RBFOX1: variants seen among roughly 807,000 people sequenced by gnomAD.
RBFOX1 encodes RNA binding fox-1 homolog 1.
A neutral mutation model predicts 57.7 loss-of-function variants in RBFOX1; 8 were observed. The observed-to-expected ratio is 0.14, with a 90% CI of 0.08 to 0.25. The LOEUF (loss-of-function observed/expected upper bound fraction) is 0.25. Among genes scored for constraint, RBFOX1 ranks in the 10% least tolerant of loss-of-function variants. The pLI, the probability that RBFOX1 is intolerant of heterozygous loss-of-function variation, is 1.00. For missense variants in RBFOX1, 611 were observed against 548.5 expected (o/e 1.11, Z -1.14); for synonymous variants, 326 against 222.4 (o/e 1.47, Z -4.15).
chr16:6,477,311 A>G (rs1467023114), intron 2 of RBFOX1, among the ~76,000 whole-genome samples: 3 of 152,322 alleles, frequency 2.0e-5, no homozygotes, highest in Admixed American at 1.3e-4. Context: ...CTTATGAGAT[A>G]TATTTCCTAA....
At chr16:7,164,830 C>T (rs990476268) in intron 4 of RBFOX1, among the ~76,000 whole-genome samples, 19 of 152,194 alleles carry the variant, frequency 1.2e-4, no homozygotes, top group Admixed American at 8.5e-4. Context: ...TGCTGTTGTA[C>T]TTCTTTGTAG....
chr16:7,218,998 G>T (rs2092503247), intron 4 of RBFOX1, among the ~76,000 whole-genome samples: 1 of 152,114 alleles, frequency 6.6e-6, no homozygotes, highest in Admixed American at 6.6e-5. Flanking sequence ...TTACATGCTG[G>T]TGGTCACAAG....
At chr16:6,780,254 T>TATATATATATTTATAC (rs1294758506) in intron 3 of RBFOX1, among the ~76,000 whole-genome samples, 10 of 86,080 alleles carry the variant, frequency 1.2e-4, no homozygotes, top group African/African-American at 2.6e-4. Context: ...CATATATATT[T>TATATATATATTTATAC]ATATATATAT....
At chr16:5,493,722 G>T (rs2042910721) in intron 2 of RBFOX1, among the ~76,000 whole-genome samples, 2 of 152,198 alleles carry the variant, frequency 1.3e-5, no homozygotes, top group African/African-American at 2.4e-5. Flanking sequence ...ATGCTTGCTT[G>T]CTCTGCTCAT....
chr16:5,515,269 G>C (rs1168273050), intron 2 of RBFOX1, among the ~76,000 whole-genome samples: 1 of 152,268 alleles, frequency 6.6e-6, no homozygotes, highest in African/African-American at 2.4e-5. Context: ...GGTCTGGGTA[G>C]AGTGGTTTTT....
intron 1 of RBFOX1, among the ~76,000 whole-genome samples, chr16:6,085,531 G>A (rs1047357819): frequency 5.3e-5 from 8 of 152,234 alleles, no homozygotes; most frequent in African/African-American, 1.7e-4. Context: ...TCGGCCTCCC[G>A]GTGTTGGGAT....
chr16:6,489,981 G>C lies in RBFOX1; in HGVS notation c.-63-164622G>C, dbSNP rs551568639. Among the ~76,000 whole-genome samples, 9 of 152,304 alleles carry C rather than the reference G, an allele frequency of 5.9e-5. No individual in the cohort carries two copies. In the East Asian group the frequency reaches 1.7e-3, roughly 29 times the overall value. The stretch of plus-strand genomic sequence containing the variant: ...GTGTCTTCAAGAAACTTAAGTCTTT[G>C]CTTTCTGATGCTCTTAAAATGTTCT... On this transcript the variant is annotated intron_variant, in intron 2 of 15. Transcript: ENST00000550418.
intron 1 of RBFOX1, among the ~76,000 whole-genome samples, chr16:5,400,354 A>C (rs1476083645): frequency 6.6e-6 from 1 of 152,084 alleles, no homozygotes; most frequent in Non-Finnish European, 1.5e-5. Context: ...TGGCCTCCCA[A>C]AGTGCTGGGG....
chr16:6,035,510 T>A (rs2095354257), intron 1 of RBFOX1, among the ~76,000 whole-genome samples: 1 of 150,018 alleles, frequency 6.7e-6, no homozygotes, highest in Non-Finnish European at 1.5e-5. Context: ...CCTGGTAAAG[T>A]AGACTTATAA....
chr16:5,499,394 C>T (rs548489114), intron 2 of RBFOX1, among the ~76,000 whole-genome samples: 2 of 152,250 alleles, frequency 1.3e-5, no homozygotes, highest in African/African-American at 2.4e-5. Context: ...CCCTTCTGCT[C>T]ACCAATCCTG....
At chr16:6,541,898 C>T (rs1376585950) in intron 2 of RBFOX1, among the ~76,000 whole-genome samples, 2 of 152,010 alleles carry the variant, frequency 1.3e-5, no homozygotes, top group Admixed American at 1.3e-4. Context: ...AGGCTCTGTG[C>T]AGCAGGTAGT....
At chr16:6,593,108 C>T (rs2097735681) in intron 2 of RBFOX1, among the ~76,000 whole-genome samples, 2 of 152,198 alleles carry the variant, frequency 1.3e-5, no homozygotes, top group African/African-American at 4.8e-5. Context: ...AGGAGAATCA[C>T]TTGAGCCTGG....
At chr16:6,746,464 C>T (rs888914361) in intron 3 of RBFOX1, among the ~76,000 whole-genome samples, 3 of 151,994 alleles carry the variant, frequency 2.0e-5, no homozygotes, top group South Asian at 4.1e-4. Flanking sequence ...ATCACTTGAG[C>T]CCAGGTGTTC....
At chr16:6,952,560 C>G (rs1404896281) in intron 3 of RBFOX1, among the ~76,000 whole-genome samples, 1 of 151,976 alleles carries the variant, frequency 6.6e-6, no homozygotes, top group Admixed American at 6.6e-5. Context: ...ATCACTTAGG[C>G]CTGGGAGATC....
intron 3 of RBFOX1, among the ~76,000 whole-genome samples, chr16:5,754,037 A>G (rs1400983075): frequency 6.6e-6 from 1 of 152,178 alleles, no homozygotes; most frequent in Non-Finnish European, 1.5e-5. Flanking sequence ...GTCAATGTGT[A>G]TGTTAGTATG....
At chr16:5,866,046 CA>C (rs1290017098) in intron 3 of RBFOX1, among the ~76,000 whole-genome samples, 1 of 152,154 alleles carries the variant, frequency 6.6e-6, no homozygotes, top group Non-Finnish European at 1.5e-5. Context: ...CAGTTCAATG[CA>C]ACCTCTGCCT....
intron 4 of RBFOX1, among the ~76,000 whole-genome samples, chr16:7,324,178 C>T (rs1329258404): frequency 6.6e-6 from 1 of 152,166 alleles, no homozygotes; most frequent in African/African-American, 2.4e-5. Flanking sequence ...ATCTGATGAG[C>T]CTTCTATCCA....
intron 3 of RBFOX1, among the ~76,000 whole-genome samples, chr16:5,815,515 AG>A (rs1392606568): frequency 6.6e-6 from 1 of 152,118 alleles, no homozygotes; most frequent in Non-Finnish European, 1.5e-5. Context: ...GACCAAGAAA[AG>A]GTCCAAATTC....
intron 2 of RBFOX1, among the ~76,000 whole-genome samples, chr16:6,329,729 C>A (rs1222738489): frequency 6.6e-6 from 1 of 152,122 alleles, no homozygotes; most frequent in Non-Finnish European, 1.5e-5. Flanking sequence ...GTCAGGAGTT[C>A]AAAACCAGCC....
Sources: allele counts gnomAD v4.1 joint callset (sites outside exome capture counted in the v4.1 genomes callset), GRCh38; gene constraint gnomAD v4.1.1; transcripts MANE v1.5; gene names NCBI Gene and HGNC (gene_info 2026-07-23, HGNC 2026-07-21).